The following MSMP variants were observed in gnomAD, a reference collection of about 807,000 sequenced individuals.
MSMP encodes prostate-associated microseminoprotein.
Under a neutral mutation model 15.8 loss-of-function variants are expected in MSMP, and 9 were observed. The ratio of observed to expected loss-of-function variants is 0.57; its 90% CI spans 0.34 to 0.99. The LOEUF (loss-of-function observed/expected upper bound fraction) is 0.99. Ranked by LOEUF, MSMP falls within the 50% of genes least tolerant of loss-of-function variation. The probability of loss-of-function intolerance (pLI) is 0.02; values close to 1 mark genes in which losing one functional copy is unlikely to be tolerated. For synonymous variants in MSMP, 64 were observed against 64.4 expected (o/e 0.99, Z 0.03); for missense variants, 170 against 173.4 (o/e 0.98, Z 0.11).
In MSMP at chr9:35,753,523, T is replaced by C. The variant is rs1827307706; in HGVS notation, c.239+137A>G. 1 of 810,564 alleles carries C rather than the reference T, an allele frequency of 1.2e-6. No homozygotes were observed. Among genetic ancestry groups the C allele is most frequent in the East Asian group, 2.7e-5 (1 of 37,404 alleles). The allele number at this position is 810,564 out of a possible 1,614,324, so 50.2% of individuals were successfully genotyped here. ...CCTGAAGCCTTATCTTTCACACTAG[T>C]GTTGGTCCCTTCAGGTTTGGCCCAT... On this transcript the variant is annotated intron_variant, in intron 2 of 2. Coordinates refer to ENST00000436428, the MANE Select transcript of MSMP (RefSeq NM_001044264.3). The surrounding 1 kb of genome is among the most constrained non-coding windows in gnomAD (Gnocchi z 4.2).
rs200332631 is a variant in MSMP, at chr9:35,753,236, T to C, written c.284A>G (p.Gln95Arg). ...GGAGAACTGGCAGGTTCCTGCCTCC[T>C]GACGTACCTCACACCCAGCCGGGAA... The part of the protein sequence containing the change: ...IDFPAGCEVR[Q>R]EAGTCQFSLV... The change falls in exon 3 of 3, where the codon CAG becomes CGG. Residue 95 changes from glutamine (Q) to arginine (R), a missense_variant. Transcript: ENST00000436428. This position sits in a 1 kb window ranked among gnomAD's most constrained non-coding sequence, Gnocchi z 4.2. 3 of 1,614,150 alleles carry C rather than the reference T, an allele frequency of 1.9e-6. No individual in the cohort carries two copies. Among genetic ancestry groups the C allele is most frequent in the Admixed American group, 1.7e-5 (1 of 60,030 alleles).
At position 35,753,923 on chromosome 9, in the gene MSMP, G is replaced by A. The variant is rs990532049; in HGVS notation, c.130+77C>T. The A allele has an allele frequency of 1.9e-5, 29 of 1,560,562 alleles. No homozygotes were observed. The highest frequency in any genetic ancestry group is 9.0e-5 in the Admixed American group (5 of 55,594). ...GGAGGAAGCCTGGGTATTTTGACAC[G>A]GGATCATCTGTAAGGCCCCATCCTC... On this transcript the variant is annotated intron_variant, in intron 1 of 2. Transcript: ENST00000436428. The surrounding 1 kb of genome is among the most constrained non-coding windows in gnomAD (Gnocchi z 4.2).
chr9:35,754,073 C>A lies in MSMP; in HGVS notation c.57G>T (p.Gly19=). Residue 19 remains glycine, a synonymous_variant, in exon 1 of 3, where the codon GGG becomes GGT. Transcript: ENST00000436428. ...GQAKGILGGW[G]IICLVMSLLL... is the part of the protein sequence containing the mutation. ...GTAGAGACATCACCAAGCAGATGAT[C>A]CCCCAGCCTCCTAGGATCCCCTTGG... 1 of 1,613,574 alleles carries A rather than the reference C, an allele frequency of 6.2e-7. No individual in the cohort carries two copies. Among genetic ancestry groups the A allele is most frequent in the Non-Finnish European group, 8.5e-7 (1 of 1,179,710 alleles).
In MSMP at chr9:35,754,208, G is replaced by A. The variant is rs942758964; in HGVS notation, c.-79C>T. On this transcript the variant is annotated 5_prime_UTR_variant, in exon 1 of 3. It adds an upstream start codon to the 5' untranslated region. Transcript: ENST00000436428. ...TCTTGACTCCTTGACTTTGCTTTGC[G>A]TTGCTCCTTGAGTCTTAGTTTCTGT... is the stretch of plus-strand genomic sequence containing the variant. 16 of 1,522,396 alleles carry A rather than the reference G, an allele frequency of 1.1e-5. No individual in the cohort carries two copies. The highest frequency in any genetic ancestry group is 8.8e-5 in the South Asian group (7 of 79,938). 94.3% of individuals were successfully genotyped at this position (1,522,396 alleles called of 1,614,324 possible). A position where few individuals can be genotyped will look rare whatever the true frequency, so the allele number is the denominator to read the frequency against.
chr9:35,753,174 C>T lies in MSMP; in HGVS notation c.346G>A (p.Gly116Arg), dbSNP rs752735628. The change falls in exon 3 of 3, where the codon GGG (glycine) becomes AGG (arginine). Residue 116 changes from glycine (G) to arginine (R), a missense_variant. Gly to Arg is a moderately radical substitution (Grantham distance 125). Coordinates refer to ENST00000436428, the MANE Select transcript of MSMP (RefSeq NM_001044264.3). This position sits in a 1 kb window ranked among gnomAD's most constrained non-coding sequence, Gnocchi z 4.2. ...QKSDPRLPCKGGGPDPEWGSA... is the reference protein window; with the variant it reads ...QKSDPRLPCKRGGPDPEWGSA... ...CCCCATTCTGGGTCAGGCCCTCCCC[C>T]TTTGCAGGGCAGCCGAGGGTCAGAT... is the stretch of plus-strand genomic sequence containing the variant. 6.2e-7 allele frequency: 1 copy of T among 1,614,188 alleles called. No homozygotes were observed. The highest frequency in any genetic ancestry group is 1.1e-5 in the South Asian group (1 of 91,090).
Position 35,753,726 on chromosome 9 carries a change from G to C in MSMP, c.173C>G (p.Ser58Cys). The change falls in exon 2 of 3, where the codon TCT (serine) becomes TGT (cysteine). Residue 58 changes from serine (S) to cysteine (C), a missense_variant. By Grantham distance (112) the Ser-to-Cys change is moderately radical. Coordinates refer to ENST00000436428, the MANE Select transcript of MSMP (RefSeq NM_001044264.3). The surrounding 1 kb of genome is among the most constrained non-coding windows in gnomAD (Gnocchi z 4.2). ...ATGGAAACAGTCCTTGCGGAGCCAAGACTCACCCAGGGTAAAATATTTCCC... is the reference window on the plus strand; with the variant it reads ...ATGGAAACAGTCCTTGCGGAGCCAACACTCACCCAGGGTAAAATATTTCCC... ...YEGKYFTLGE[S>C]WLRKDCFHCT... is the part of the protein sequence containing the mutation. 1.2e-6 allele frequency: 2 copies of C among 1,614,164 alleles called. No individual in the cohort carries two copies. The highest frequency in any genetic ancestry group is 1.7e-6 in the Non-Finnish European group (2 of 1,180,024).
chr9:35,753,828 T>C lies in MSMP; in HGVS notation c.131-60A>G, dbSNP rs1827314887. 3 of 1,551,224 alleles carry C rather than the reference T, an allele frequency of 1.9e-6. No individual in the cohort carries two copies. In the South Asian group the frequency reaches 3.4e-5, roughly 18 times the overall value. Reference sequence around the variant, plus strand: ...AGTGCTGATGAGAGGCAGAGGCTCTTCTGGTCTGGGGTGGAGACAGTAAGT... The same window carrying C: ...AGTGCTGATGAGAGGCAGAGGCTCTCCTGGTCTGGGGTGGAGACAGTAAGT... On this transcript the variant is annotated intron_variant, in intron 1 of 2. Transcript: ENST00000436428. The surrounding 1 kb of genome is among the most constrained non-coding windows in gnomAD (Gnocchi z 4.2).
rs1278846887 is a variant in MSMP at position 35,754,132 on chromosome 9, C to A, written c.-3G>T. ...GCCCAGAGCATCCTTAGGGCCATTG[C>A]TGCTGCACAGCCCTCTCAGACCCTT... On this transcript the variant is annotated 5_prime_UTR_variant, in exon 1 of 3. Transcript: ENST00000436428. The A allele has an allele frequency of 1.2e-6, 2 of 1,611,488 alleles. No homozygotes were observed. The highest frequency in any genetic ancestry group is 1.7e-6 in the Non-Finnish European group (2 of 1,178,566).
chr9:35,753,825 T>A lies in MSMP; in HGVS notation c.131-57A>T, dbSNP rs1309545589. The A allele has an allele frequency of 1.9e-5, 30 of 1,552,096 alleles. No individual in the cohort carries two copies. The highest frequency in any genetic ancestry group is 3.6e-6 in the Non-Finnish European group (4 of 1,126,524). On this transcript the variant is annotated intron_variant, in intron 1 of 2. Coordinates refer to ENST00000436428, the MANE Select transcript of MSMP (RefSeq NM_001044264.3). The surrounding 1 kb of genome is among the most constrained non-coding windows in gnomAD (Gnocchi z 4.2). ...AGGAGTGCTGATGAGAGGCAGAGGC[T>A]CTTCTGGTCTGGGGTGGAGACAGTA...
rs1827324938 is a variant in MSMP, at chr9:35,754,238, C to T, written c.-109G>A. ...TCCTTGAGTCTTAGTTTCTGTCTTTCTCCCCTGGGCTCCTGTCTCACACTA... is the reference window on the plus strand; with the variant it reads ...TCCTTGAGTCTTAGTTTCTGTCTTTTTCCCCTGGGCTCCTGTCTCACACTA... On this transcript the variant is annotated 5_prime_UTR_variant, in exon 1 of 3. Transcript: ENST00000436428. The T allele has an allele frequency of 7.3e-7, 1 of 1,366,440 alleles. No homozygotes were observed. The highest frequency in any genetic ancestry group is 1.5e-5 in the African/African-American group (1 of 68,850). The allele number at this position is 1,366,440 out of a possible 1,614,324, so 84.6% of individuals were successfully genotyped here.
Position 35,753,430 on chromosome 9 carries a change from TG to T in MSMP, c.240-151del. 1 of 875,682 alleles carries T rather than the reference TG, an allele frequency of 1.1e-6. No individual in the cohort carries two copies. Among genetic ancestry groups the T allele is most frequent in the South Asian group, 1.8e-5 (1 of 56,166 alleles). The allele number at this position is 875,682 out of a possible 1,614,324, so 54.2% of individuals were successfully genotyped here. On this transcript the variant is annotated intron_variant, in intron 2 of 2. Coordinates refer to ENST00000436428, the MANE Select transcript of MSMP (RefSeq NM_001044264.3). This position sits in a 1 kb window ranked among gnomAD's most constrained non-coding sequence, Gnocchi z 4.2. ...TAACTAAGCTGTCACCTACCATATG[TG>T]GGCCTTTTTGTTTTATAACAGGAGT...
chr9:35,754,154 C>T lies in MSMP; in HGVS notation c.-25G>A, dbSNP rs369014044. On this transcript the variant is annotated 5_prime_UTR_variant, in exon 1 of 3. Coordinates refer to ENST00000436428, the MANE Select transcript of MSMP (RefSeq NM_001044264.3). The stretch of plus-strand genomic sequence containing the variant: ...TTGCTGCTGCACAGCCCTCTCAGAC[C>T]CTTCTTGGCCTCTGCTCAGCTACTC... 6.9e-6 allele frequency: 11 copies of T among 1,598,484 alleles called. No homozygotes were observed. The African/African-American group carries it at 1.2e-4, about 18-fold the overall frequency.
At position 35,753,592 on chromosome 9, in the gene MSMP, T is replaced by C; in HGVS notation, c.239+68A>G. ...TCATTCTTACATCACAGCAATCTAG[T>C]CACTCCCTGGTCATCCCTCAGTCAC... On this transcript the variant is annotated intron_variant, in intron 2 of 2. Coordinates refer to ENST00000436428, the MANE Select transcript of MSMP (RefSeq NM_001044264.3). This position sits in a 1 kb window ranked among gnomAD's most constrained non-coding sequence, Gnocchi z 4.2. 7.6e-7 allele frequency: 1 copy of C among 1,323,496 alleles called. No homozygotes were observed. Among genetic ancestry groups the C allele is most frequent in the Non-Finnish European group, 1.1e-6 (1 of 933,746 alleles). 82.0% of individuals were successfully genotyped at this position (1,323,496 alleles called of 1,614,324 possible).
In MSMP at chr9:35,753,572, C is replaced by T. The variant is rs2132036652; in HGVS notation, c.239+88G>A. 1 of 1,138,152 alleles carries T rather than the reference C, an allele frequency of 8.8e-7. No individual in the cohort carries two copies. The highest frequency in any genetic ancestry group is 2.5e-5 in the East Asian group (1 of 39,426). The allele number at this position is 1,138,152 out of a possible 1,614,324, so 70.5% of individuals were successfully genotyped here. A position where few individuals can be genotyped will look rare whatever the true frequency, so the allele number is the denominator to read the frequency against. ...ATCTTGTATTGCTCTTCTGTTCATTCTTACATCACAGCAATCTAGTCACTC... is the reference window on the plus strand; with the variant it reads ...ATCTTGTATTGCTCTTCTGTTCATTTTTACATCACAGCAATCTAGTCACTC... On this transcript the variant is annotated intron_variant, in intron 2 of 2. Transcript: ENST00000436428. This position sits in a 1 kb window ranked among gnomAD's most constrained non-coding sequence, Gnocchi z 4.2.
chr9:35,753,313 A>C lies in MSMP; in HGVS notation c.240-33T>G. 1 of 1,603,442 alleles carries C rather than the reference A, an allele frequency of 6.2e-7. No homozygotes were observed. On this transcript the variant is annotated intron_variant, in intron 2 of 2. Transcript: ENST00000436428. This position sits in a 1 kb window ranked among gnomAD's most constrained non-coding sequence, Gnocchi z 4.2. Reference sequence around the variant, plus strand: ...ACCAAGGATAGGGGAAGGAGTCAGCACAGTGAAAGGCTGCCTTTATCCCTG... The same window carrying C: ...ACCAAGGATAGGGGAAGGAGTCAGCCCAGTGAAAGGCTGCCTTTATCCCTG...
At position 35,753,164 on chromosome 9, in the gene MSMP, G is replaced by A. The variant is rs1391176952; in HGVS notation, c.356C>T (p.Pro119Leu). 2 of 1,614,214 alleles carry A rather than the reference G, an allele frequency of 1.2e-6. No individual in the cohort carries two copies. The highest frequency in any genetic ancestry group is 3.3e-5 in the Admixed American group (2 of 60,024). The change falls in exon 3 of 3, where the codon CCT becomes CTT. Residue 119 changes from proline (P) to leucine (L), a missense_variant. Transcript: ENST00000436428. The surrounding 1 kb of genome is among the most constrained non-coding windows in gnomAD (Gnocchi z 4.2). Reference protein sequence around the residue: ...DPRLPCKGGGPDPEWGSANTP... With the variant: ...DPRLPCKGGGLDPEWGSANTP... ...GTTGGCTGAGCCCCATTCTGGGTCAGGCCCTCCCCCTTTGCAGGGCAGCCG... is the reference window on the plus strand; with the variant it reads ...GTTGGCTGAGCCCCATTCTGGGTCAAGCCCTCCCCCTTTGCAGGGCAGCCG...
At position 35,753,763 on chromosome 9, in the gene MSMP, A is replaced by T; in HGVS notation, c.136T>A (p.Cys46Ser). 1 of 1,613,642 alleles carries T rather than the reference A, an allele frequency of 6.2e-7. No homozygotes were observed. ...SKCYFQAQAP[C>S]HYEGKYFTLG... The stretch of plus-strand genomic sequence containing the variant: ...GTAAAATATTTCCCCTCATAGTGAC[A>T]GGGGGCTAGGGAAGAACGGGAAATG... The change falls in exon 2 of 3, where the codon TGT (cysteine) becomes AGT (serine). Residue 46 changes from cysteine (C) to serine (S), a missense_variant. Physicochemically the swap from Cys to Ser is moderately radical, Grantham distance 112. Transcript: ENST00000436428. This position sits in a 1 kb window ranked among gnomAD's most constrained non-coding sequence, Gnocchi z 4.2.
At position 35,754,195 on chromosome 9, in the gene MSMP, G is replaced by A; in HGVS notation, c.-66C>T. On this transcript the variant is annotated 5_prime_UTR_variant, in exon 1 of 3. Coordinates refer to ENST00000436428, the MANE Select transcript of MSMP (RefSeq NM_001044264.3). ...TCAGCTACTCTGGTCTTGACTCCTTGACTTTGCTTTGCGTTGCTCCTTGAG... is the reference window on the plus strand; with the variant it reads ...TCAGCTACTCTGGTCTTGACTCCTTAACTTTGCTTTGCGTTGCTCCTTGAG... 6.4e-7 allele frequency: 1 copy of A among 1,554,048 alleles called. No homozygotes were observed.
chr9:35,753,646 C>T lies in MSMP; in HGVS notation c.239+14G>A, dbSNP rs116619039. 4,747 of 1,604,990 alleles carry T rather than the reference C, an allele frequency of 3.0e-3. 132 individuals are homozygous for T. The African/African-American group carries it at 0.057, about 19-fold the overall frequency. The stretch of plus-strand genomic sequence containing the variant: ...TATCAGAGTCATTCTCTCTGGCCAT[C>T]TTTGGTCACTCACGTGTCACAGCAG... On this transcript the variant is annotated intron_variant, in intron 2 of 2. Coordinates refer to ENST00000436428, the MANE Select transcript of MSMP (RefSeq NM_001044264.3). This position sits in a 1 kb window ranked among gnomAD's most constrained non-coding sequence, Gnocchi z 4.2.
Sources: gnomAD v4.1 joint callset for allele counts on GRCh38, gnomAD v4.1.1 for gene constraint, Gnocchi (gnomAD v3.1) non-coding constraint, MANE v1.5 for transcripts, NCBI Gene and HGNC (gene_info 2026-07-23, HGNC 2026-07-21) for gene names.